The following ZNF385D variants were observed in gnomAD, a reference collection of about 807,000 sequenced individuals.
ZNF385D encodes the protein zinc finger protein 659.
Under a neutral mutation model 35.8 loss-of-function variants are expected in ZNF385D, and 15 were observed. The observed-to-expected ratio is 0.42, with a 90% CI of 0.28 to 0.64. The LOEUF (loss-of-function observed/expected upper bound fraction) is 0.64, where lower values mean the gene tolerates loss of function less well. ZNF385D is among the 30% of genes least tolerant of loss of function. The pLI, the probability that ZNF385D is intolerant of heterozygous loss-of-function variation, is 0.23. For missense variants in ZNF385D, 474 were observed against 494.6 expected (o/e 0.96, Z 0.39); for synonymous variants, 212 against 186.8 (o/e 1.13, Z -1.10).
intron 3 of ZNF385D, among the ~76,000 whole-genome samples, chr3:21,800,032 T>C (rs762234978): frequency 2.0e-5 from 3 of 152,202 alleles, no homozygotes; most frequent in African/African-American, 4.8e-5. Flanking sequence ...TTATTCTTTA[T>C]TCTTGTTAAA....
chr3:22,226,373 A>T (rs1698558507), intron 2 of ZNF385D, among the ~76,000 whole-genome samples: 1 of 152,090 alleles, frequency 6.6e-6, no homozygotes, highest in Non-Finnish European at 1.5e-5. Context: ...CCATTTCAGA[A>T]AGCTACCCAG....
chr3:22,288,823 G>A (rs990918104), intron 2 of ZNF385D, among the ~76,000 whole-genome samples: 1 of 152,072 alleles, frequency 6.6e-6, no homozygotes, highest in African/African-American at 2.4e-5. Flanking sequence ...TGAGACAGTA[G>A]CATCCCTCAG....
chr3:22,310,153 T>C (rs555851644), intron 2 of ZNF385D, among the ~76,000 whole-genome samples: 12 of 152,008 alleles, frequency 7.9e-5, no homozygotes, highest in African/African-American at 2.4e-4. Flanking sequence ...TTGGTGACAT[T>C]ATAGCATAAA....
At chr3:21,521,672 T>C (rs1016152239) in intron 3 of ZNF385D, among the ~76,000 whole-genome samples, 1 of 152,112 alleles carries the variant, frequency 6.6e-6, no homozygotes, top group Non-Finnish European at 1.5e-5. Context: ...GAAGATCACT[T>C]AGGTCCAGGA....
intron 2 of ZNF385D, among the ~76,000 whole-genome samples, chr3:22,337,403 G>A (rs180803211): frequency 5.5e-4 from 84 of 152,134 alleles, no homozygotes; most frequent in African/African-American, 1.7e-3. Flanking sequence ...GCGTGGTGGC[G>A]CATGCCTATA....
chr3:22,148,522 T>C (rs1382813435), intron 3 of ZNF385D, among the ~76,000 whole-genome samples: 1 of 152,182 alleles, frequency 6.6e-6, no homozygotes, highest in Admixed American at 6.5e-5. Context: ...CTTGATGGCA[T>C]CCATGTGGCT....
In ZNF385D at chr3:22,197,635, GC is replaced by G. The variant is rs374421474; in HGVS notation, c.107-28601del. Among the ~76,000 whole-genome samples the G allele has an allele frequency of 3.3e-5, 5 of 152,156 alleles. No homozygotes were observed. The South Asian group carries it at 6.2e-4, about 19-fold the overall frequency. On this transcript the variant is annotated intron_variant, in intron 2 of 5. Transcript: ENST00000494108. Reference sequence around the variant, plus strand: ...GGTGAAAGTCTGGAGCTCTACCCAAGCTTTTGCTCCATACCATAAACTCCAG... The same window carrying G: ...GGTGAAAGTCTGGAGCTCTACCCAAGTTTTGCTCCATACCATAAACTCCAG...
intron 2 of ZNF385D, among the ~76,000 whole-genome samples, chr3:21,612,709 T>C (rs2064720467): frequency 6.6e-6 from 1 of 152,222 alleles, no homozygotes; most frequent in African/African-American, 2.4e-5. Context: ...ATCCTGCATC[T>C]TGTGCTATTG....
intron 3 of ZNF385D, among the ~76,000 whole-genome samples, chr3:22,151,004 A>G (rs1440458263): frequency 1.3e-5 from 2 of 152,266 alleles, no homozygotes; most frequent in East Asian, 3.9e-4. Flanking sequence ...TTCTATCTAG[A>G]GAGAGAAGCT....
chr3:21,929,862 T>A (rs1464164531), intron 3 of ZNF385D, among the ~76,000 whole-genome samples: 1 of 152,072 alleles, frequency 6.6e-6, no homozygotes, highest in Admixed American at 6.6e-5. Context: ...TTTATTAAGA[T>A]GGCAATACTA....
At chr3:21,559,877 C>T (rs1319196066) in intron 3 of ZNF385D, among the ~76,000 whole-genome samples, 2 of 152,050 alleles carry the variant, frequency 1.3e-5, no homozygotes, top group African/African-American at 4.8e-5. Flanking sequence ...TCTTTTTTCT[C>T]TAATCTTGTC....
At chr3:21,785,772 T>G (rs934188233) in intron 3 of ZNF385D, among the ~76,000 whole-genome samples, 6 of 152,216 alleles carry the variant, frequency 3.9e-5, no homozygotes, top group African/African-American at 1.4e-4. Context: ...GACACTTTGC[T>G]GGAAAATTTG....
At chr3:21,896,110 T>C (rs1300492099) in intron 3 of ZNF385D, among the ~76,000 whole-genome samples, 10 of 152,148 alleles carry the variant, frequency 6.6e-5, no homozygotes, top group Admixed American at 6.5e-4. Context: ...ATATCCCTGC[T>C]CCCATGACAA....
chr3:22,251,647 T>G (rs1700069853), intron 2 of ZNF385D, among the ~76,000 whole-genome samples: 1 of 152,054 alleles, frequency 6.6e-6, no homozygotes, highest in East Asian at 1.9e-4. Flanking sequence ...CCCCCATTTG[T>G]GAGAACCAAA....
At position 21,959,167 on chromosome 3, in the gene ZNF385D, A is replaced by G. The variant is rs868502000; in HGVS notation, c.325+209650T>C. 2.6e-5 allele frequency among the ~76,000 whole-genome samples: 4 copies of G among 152,348 alleles called. No individual in the cohort carries two copies. In the Middle Eastern group the frequency reaches 0.01, roughly 389 times the overall value. The stretch of plus-strand genomic sequence containing the variant: ...TATAATTCCAGGCCAGAAATTTAGT[A>G]TACAGCAATGTGAGAATCTTGTGCT... On this transcript the variant is annotated intron_variant, in intron 3 of 5. Transcript: ENST00000494108.
At chr3:21,752,011 C>T, upstream of ZNF385D, among the ~76,000 whole-genome samples, 1 of 94,058 alleles carries the variant, frequency 1.1e-5, no homozygotes. Context: ...ACACCCACCC[C>T]CCTCCCCCCC....
chr3:21,899,944 C>T (rs1048778975), intron 3 of ZNF385D, among the ~76,000 whole-genome samples: 1 of 152,012 alleles, frequency 6.6e-6, no homozygotes, highest in Admixed American at 6.6e-5. Context: ...AAGTAAAAGA[C>T]CAAAAACAGC....
chr3:21,838,473 T>G (rs1695463611), intron 3 of ZNF385D, among the ~76,000 whole-genome samples: 1 of 152,244 alleles, frequency 6.6e-6, no homozygotes, highest in South Asian at 2.1e-4. Context: ...TTTGAGTGTT[T>G]TTAATTCAGC....
At chr3:21,889,239 A>G (rs781022018) in intron 3 of ZNF385D, among the ~76,000 whole-genome samples, 2 of 152,196 alleles carry the variant, frequency 1.3e-5, no homozygotes, top group Non-Finnish European at 2.9e-5. Flanking sequence ...CTCATGGATC[A>G]GATGGAACAC....
Sources: allele counts gnomAD v4.1 joint callset (sites outside exome capture counted in the v4.1 genomes callset), GRCh38; gene constraint gnomAD v4.1.1; transcripts MANE v1.5; gene names NCBI Gene and HGNC (gene_info 2026-07-23, HGNC 2026-07-21).